TCF4: variants seen among roughly 807,000 people sequenced by gnomAD.
TCF4 encodes the protein transcription factor 4.
In TCF4, 3 loss-of-function variants were observed where a neutral mutation model predicts 82.1. The observed-to-expected ratio is 0.04, with a 90% CI of 0.02 to 0.09. The LOEUF (loss-of-function observed/expected upper bound fraction) is 0.09. TCF4 is among the 10% of genes least tolerant of loss of function. The pLI is 1.00. For synonymous variants in TCF4, 276 were observed against 309.6 expected, an observed-to-expected ratio of 0.89 and a Z score of 1.14; for missense variants, 518 against 852.7, an observed-to-expected ratio of 0.61 and a Z score of 4.89.
chr18:55,238,329 A>G (rs933682827), intron 15 of TCF4, among the ~76,000 whole-genome samples: 4 of 152,262 alleles, frequency 2.6e-5, no homozygotes, highest in Non-Finnish European at 4.4e-5. Flanking sequence ...TGCTAAAAAT[A>G]GAAGATAGAA....
Position 55,225,105 on chromosome 18 carries a change from A to G in TCF4, c.*2930T>C, listed in dbSNP as rs974669700. The G allele has an allele frequency of 1.3e-5, 2 of 152,166 alleles. No homozygotes were observed. Among genetic ancestry groups the G allele is most frequent in the Admixed American group, 6.6e-5 (1 of 15,250 alleles). 9.4% of individuals were successfully genotyped at this position (152,166 alleles called of 1,614,324 possible). A position where few individuals can be genotyped will look rare whatever the true frequency, so the allele number is the denominator to read the frequency against. On this transcript the variant is annotated 3_prime_UTR_variant, in exon 20 of 20. Coordinates refer to ENST00000354452, the MANE Select transcript of TCF4 (RefSeq NM_001083962.2). ...TTTTTTCTTTTTTAATGGGGATACAACCCAATTAATATGGATAGGTGCAGA... is the reference window on the plus strand; with the variant it reads ...TTTTTTCTTTTTTAATGGGGATACAGCCCAATTAATATGGATAGGTGCAGA...
intron 2 of TCF4, among the ~76,000 whole-genome samples, chr18:55,609,978 GCTT>G (rs1229382328): frequency 6.6e-6 from 1 of 151,452 alleles, no homozygotes; most frequent in African/African-American, 2.4e-5. Context: ...TTACTTATTT[GCTT>G]ATTTTTTTTT....
intron 3 of TCF4, among the ~76,000 whole-genome samples, chr18:55,508,314 A>G (rs1371070773): frequency 6.6e-6 from 1 of 152,218 alleles, no homozygotes. Flanking sequence ...CCAGGCTGCC[A>G]TTCCTAAATT....
rs1304180913 is a variant in TCF4 at position 55,510,843 on chromosome 18, G to C, written c.146-46706C>G. On this transcript the variant is annotated intron_variant, in intron 3 of 19. Coordinates refer to ENST00000354452, the MANE Select transcript of TCF4 (RefSeq NM_001083962.2). The stretch of plus-strand genomic sequence containing the variant: ...GAAATGATACTGGCTGTGTGTTTAT[G>C]AGCTACATTAGAAATTTGAACAATA... 4.0e-6 allele frequency: 4 copies of C among 998,786 alleles called. No homozygotes were observed. The African/African-American group carries it at 5.0e-5, about 13-fold the overall frequency. 61.9% of individuals were successfully genotyped at this position (998,786 alleles called of 1,614,324 possible).
At chr18:55,577,567 T>C (rs2097541638) in intron 3 of TCF4, among the ~76,000 whole-genome samples, 1 of 152,158 alleles carries the variant, frequency 6.6e-6, no homozygotes, top group Non-Finnish European at 1.5e-5. Flanking sequence ...ACACACTGTA[T>C]GAAAACTGGA....
intron 3 of TCF4, among the ~76,000 whole-genome samples, chr18:55,574,889 G>A (rs1159531982): frequency 2.6e-5 from 4 of 151,898 alleles, no homozygotes; most frequent in Middle Eastern, 3.5e-3. Flanking sequence ...TAACTCTATC[G>A]TTACTCCAGT....
intron 8 of TCF4, among the ~76,000 whole-genome samples, chr18:55,285,639 A>G (rs1482569087): frequency 2.6e-5 from 4 of 152,180 alleles, no homozygotes; most frequent in Non-Finnish European, 2.9e-5. Context: ...CATCACCAAC[A>G]CAGGACTTTC....
chr18:55,440,645 G>A (rs888145675), intron 5 of TCF4, among the ~76,000 whole-genome samples: 1 of 152,268 alleles, frequency 6.6e-6, no homozygotes, highest in East Asian at 1.9e-4. Context: ...TATTTATCAT[G>A]ATCTCATCGG....
chr18:55,485,611 G>A (rs1456437340), intron 3 of TCF4, among the ~76,000 whole-genome samples: 1 of 152,154 alleles, frequency 6.6e-6, no homozygotes, highest in Non-Finnish European at 1.5e-5. Context: ...GCCAGCAAAT[G>A]CCTAATGAGC....
At chr18:55,286,146 C>T (rs2063624080) in intron 8 of TCF4, among the ~76,000 whole-genome samples, 1 of 152,152 alleles carries the variant, frequency 6.6e-6, no homozygotes. Context: ...TACAGTTAGA[C>T]ATGGTGTGAT....
At chr18:55,244,500 A>G (rs1031526538) in intron 15 of TCF4, among the ~76,000 whole-genome samples, 1 of 152,126 alleles carries the variant, frequency 6.6e-6, no homozygotes, top group Non-Finnish European at 1.5e-5. Context: ...AAAAATACTC[A>G]ATTTCTAGTA....
At chr18:55,565,190 A>G (rs927634666) in intron 3 of TCF4, among the ~76,000 whole-genome samples, 1 of 152,154 alleles carries the variant, frequency 6.6e-6, no homozygotes, top group Non-Finnish European at 1.5e-5. Flanking sequence ...CATTGGAATA[A>G]ATGGTGACAG....
chr18:55,479,608 G>C (rs1052734774), intron 3 of TCF4, among the ~76,000 whole-genome samples: 1 of 152,112 alleles, frequency 6.6e-6, no homozygotes, highest in Non-Finnish European at 1.5e-5. Flanking sequence ...AATCGTCTAT[G>C]CACCACTCTC....
rs757421412 is a variant in TCF4 at position 55,403,467 on chromosome 18, T to C, written c.356A>G (p.Gln119Arg). 1 of 1,613,840 alleles carries C rather than the reference T, an allele frequency of 6.2e-7. No homozygotes were observed. The highest frequency in any genetic ancestry group is 8.5e-7 in the Non-Finnish European group (1 of 1,179,782). ...ATTCTCACTTACCTGGTGGCAACCC[T>C]GTAAGTTTGATTCTCTCCCATAAGA... Reference protein sequence around the residue: ...YSSYGRESNLQGCHQQSLLGG... With the variant: ...YSSYGRESNLRGCHQQSLLGG... Residue 119 changes from glutamine (Q) to arginine (R), a missense_variant, in exon 6 of 20, where the codon CAG becomes CGG. By Grantham distance (43) the Gln-to-Arg change is conservative. Transcript: ENST00000354452.
chr18:55,482,914 CT>C (rs1434589684), intron 3 of TCF4: 4 of 152,216 alleles, frequency 2.6e-5, no homozygotes, highest in Non-Finnish European at 4.4e-5. Context: ...CTTGTCCCCC[CT>C]GACTAGCAAT....
intron 5 of TCF4, among the ~76,000 whole-genome samples, chr18:55,455,200 A>G (rs188225813): frequency 0.24 from 34,868 of 144,910 alleles, 4,505 homozygotes; most frequent in East Asian, 0.43. Context: ...AAAAAAAAAA[A>G]AAAGAAAAGA....
intron 5 of TCF4, among the ~76,000 whole-genome samples, chr18:55,425,254 G>A (rs2094929390): frequency 6.6e-6 from 1 of 152,064 alleles, no homozygotes; most frequent in African/African-American, 2.4e-5. Flanking sequence ...TAGGCAGATT[G>A]GATTCGTTGA....
intron 3 of TCF4, among the ~76,000 whole-genome samples, chr18:55,469,009 A>T (rs1457850305): frequency 6.6e-6 from 1 of 152,146 alleles, no homozygotes; most frequent in African/African-American, 2.4e-5. Flanking sequence ...CAAAAGACTG[A>T]AATGGGCTCA....
intron 14 of TCF4, 77 bp from the exon 15 acceptor site, chr18:55,254,777 G>C: frequency 1.6e-6 from 2 of 1,288,318 alleles, no homozygotes; most frequent in Non-Finnish European, 2.2e-6. Context: ...AATTTTAGTC[G>C]ACAAAAAACA....
Sources: gnomAD v4.1 joint callset for allele counts (sites outside exome capture counted in the v4.1 genomes callset) on GRCh38, gnomAD v4.1.1 for gene constraint, MANE v1.5 for transcripts, NCBI Gene and HGNC (gene_info 2026-07-23, HGNC 2026-07-21) for gene names.